The following TLE4 variants were observed in gnomAD, a reference collection of about 807,000 sequenced individuals.
TLE4 encodes TLE family member 4, transcriptional corepressor, also known as transducin-like enhancer protein 4.
In TLE4, 8 loss-of-function variants were observed where a neutral mutation model predicts 92.8. The observed-to-expected ratio is 0.09, with a 90% CI of 0.05 to 0.16. The LOEUF (loss-of-function observed/expected upper bound fraction) is 0.16, where lower values mean the gene tolerates loss of function less well. Ranked by LOEUF, TLE4 falls within the 10% of genes least tolerant of loss-of-function variation. The pLI, the probability that TLE4 is intolerant of heterozygous loss-of-function variation, is 1.00. For missense variants in TLE4, 675 were observed against 997.6 expected, an observed-to-expected ratio of 0.68 and a Z score of 4.36; for synonymous variants, 371 against 374.1, an observed-to-expected ratio of 0.99 and a Z score of 0.10.
At chr9:79,706,946 G>C (rs1052034015) in intron 11 of TLE4, 47 bp downstream of exon 11, 2 of 1,590,636 alleles carry the variant, frequency 1.3e-6, no homozygotes, top group African/African-American at 2.7e-5. Flanking sequence ...CTGCCAATTT[G>C]ATGTTTGAAT....
At chr9:79,700,609 G>C (rs909191195) in intron 8 of TLE4, among the ~76,000 whole-genome samples, 1 of 152,116 alleles carries the variant, frequency 6.6e-6, no homozygotes, top group Non-Finnish European at 1.5e-5. Flanking sequence ...AGCAATTGGG[G>C]TTTCCATGTA....
chr9:79,673,916 G>T (rs1255479623), intron 8 of TLE4, among the ~76,000 whole-genome samples: 12 of 152,148 alleles, frequency 7.9e-5, no homozygotes. Context: ...CTTCCTGGGG[G>T]GTGATTTTGT....
intron 4 of TLE4, among the ~76,000 whole-genome samples, chr9:79,611,859 T>C (rs1320750328): frequency 6.6e-6 from 1 of 151,258 alleles, no homozygotes; most frequent in Non-Finnish European, 1.5e-5. Flanking sequence ...CTTATTGGTT[T>C]AAAATGTCTG....
chr9:79,610,915 C>G (rs2048222627), intron 4 of TLE4, among the ~76,000 whole-genome samples: 1 of 151,854 alleles, frequency 6.6e-6, no homozygotes, highest in Non-Finnish European at 1.5e-5. Context: ...GCCCTCCTAG[C>G]AAGGGACTAT....
chr9:79,626,345 C>G (rs1428762922), intron 5 of TLE4, among the ~76,000 whole-genome samples: 1 of 152,140 alleles, frequency 6.6e-6, no homozygotes, highest in East Asian at 1.9e-4. Flanking sequence ...AGAAAGTTAG[C>G]TAAATTTCTC....
At chr9:79,671,446 T>G in intron 8 of TLE4, 1 of 335,032 alleles carries the variant, frequency 3.0e-6, no homozygotes, top group South Asian at 2.3e-5. Flanking sequence ...CGTGTCAGAT[T>G]ATCTGTAAAA....
chr9:79,721,162 A>G (rs1430207295), intron 16 of TLE4, among the ~76,000 whole-genome samples: 1 of 152,204 alleles, frequency 6.6e-6, no homozygotes, highest in African/African-American at 2.4e-5. Flanking sequence ...AGCTGCTTCT[A>G]ACCCTGTTTT....
chr9:79,584,980 G>C (rs902548955), intron 4 of TLE4, among the ~76,000 whole-genome samples: 1 of 152,134 alleles, frequency 6.6e-6, no homozygotes, highest in Non-Finnish European at 1.5e-5. Context: ...ACTATTAATA[G>C]GTCTGTGTAC....
intron 4 of TLE4, among the ~76,000 whole-genome samples, chr9:79,582,639 C>CTTTT (rs35195007): frequency 1.7e-5 from 2 of 115,652 alleles, no homozygotes; most frequent in Non-Finnish European, 3.6e-5. Flanking sequence ...TTTAATGTGG[C>CTTTT]TTTTTTTTTT....
chr9:79,705,607 G>A (rs1182360407), intron 9 of TLE4, among the ~76,000 whole-genome samples: 9 of 152,252 alleles, frequency 5.9e-5, no homozygotes, highest in African/African-American at 2.2e-4. Flanking sequence ...CTACTCTAGA[G>A]TAATAAGCCA....
At chr9:79,660,834 G>A (rs1345141809) in intron 8 of TLE4, among the ~76,000 whole-genome samples, 2 of 152,202 alleles carry the variant, frequency 1.3e-5, no homozygotes, top group East Asian at 1.9e-4. Context: ...GATTAATGAT[G>A]TGAGTGACTC....
At chr9:79,661,256 C>A (rs1587946900) in intron 8 of TLE4, among the ~76,000 whole-genome samples, 1 of 152,126 alleles carries the variant, frequency 6.6e-6, no homozygotes, top group South Asian at 2.1e-4. Flanking sequence ...GTAACACTAA[C>A]CCCACTCTGG....
chr9:79,610,815 T>A (rs2048194700), intron 4 of TLE4, among the ~76,000 whole-genome samples: 1 of 152,096 alleles, frequency 6.6e-6, no homozygotes. Flanking sequence ...TTTCACCAGA[T>A]GAATAAGTTT....
chr9:79,638,561 G>A (rs1272229161), intron 6 of TLE4, among the ~76,000 whole-genome samples: 1 of 148,734 alleles, frequency 6.7e-6, no homozygotes, highest in Admixed American at 6.7e-5. Flanking sequence ...TTTTTTTCTT[G>A]GTAGATTCAT....
chr9:79,704,254 CA>C (rs1280761986), intron 8 of TLE4, among the ~76,000 whole-genome samples: 1 of 152,116 alleles, frequency 6.6e-6, no homozygotes, highest in Non-Finnish European at 1.5e-5. Context: ...GCTGGGACTG[CA>C]GGCACGCCAC....
chr9:79,573,237 C>G (rs2036414486), intron 1 of TLE4: 4 of 1,010,726 alleles, frequency 4.0e-6, no homozygotes, highest in Non-Finnish European at 1.2e-6. Flanking sequence ...GCCGGCCCCT[C>G]GCGCCGCGGG....
chr9:79,644,403 T>C (rs2057746320), intron 6 of TLE4, among the ~76,000 whole-genome samples: 1 of 152,202 alleles, frequency 6.6e-6, no homozygotes, highest in African/African-American at 2.4e-5. Flanking sequence ...TAATACGCTG[T>C]GCTAAGGGTT....
chr9:79,589,301 T>C (rs1339128200), intron 4 of TLE4, among the ~76,000 whole-genome samples: 1 of 152,250 alleles, frequency 6.6e-6, no homozygotes, highest in African/African-American at 2.4e-5. Context: ...CCTTTAAACG[T>C]ACTTAACCTT....
At chr9:79,575,321 C>T (rs1366983195) in intron 3 of TLE4, among the ~76,000 whole-genome samples, 1 of 152,064 alleles carries the variant, frequency 6.6e-6, no homozygotes, top group African/African-American at 2.4e-5. Flanking sequence ...ATGCTGTTAA[C>T]ATTGTAAATG....
Sources: allele counts gnomAD v4.1 joint callset (sites outside exome capture counted in the v4.1 genomes callset), GRCh38; gene constraint gnomAD v4.1.1; transcripts MANE v1.5; gene names NCBI Gene and HGNC (gene_info 2026-07-23, HGNC 2026-07-21).